The following MAP3K5 variants were observed in gnomAD, a reference collection of about 807,000 sequenced individuals.
MAP3K5 encodes mitogen-activated protein kinase kinase kinase 5.
In MAP3K5, 56 loss-of-function variants were observed where a neutral mutation model predicts 158.7. The ratio of observed to expected loss-of-function variants is 0.35; its 90% CI spans 0.28 to 0.44. MAP3K5 has a LOEUF of 0.44. Ranked by LOEUF, MAP3K5 falls within the 20% of genes least tolerant of loss-of-function variation. MAP3K5 has a pLI of 1.00. For missense variants in MAP3K5, 1,294 were observed against 1,674.8 expected (o/e 0.77, Z 3.97); for synonymous variants, 579 against 601.7 (o/e 0.96, Z 0.55).
intron 1 of MAP3K5, among the ~76,000 whole-genome samples, chr6:136,724,244 C>T (rs1361201900): frequency 6.7e-6 from 1 of 148,816 alleles, no homozygotes; most frequent in Non-Finnish European, 1.5e-5. Flanking sequence ...AAGAGAGAAA[C>T]TGACTTTTTT....
chr6:136,685,444 G>T (rs925048275), intron 7 of MAP3K5, among the ~76,000 whole-genome samples: 2 of 152,126 alleles, frequency 1.3e-5, no homozygotes, highest in African/African-American at 4.8e-5. Flanking sequence ...CTAAAACGCT[G>T]CCATTTAGTA....
rs146722273 is a variant in MAP3K5 at position 136,591,256 on chromosome 6, T to C, written c.3225+917A>G. Among the ~76,000 whole-genome samples, 26 of 152,330 alleles carry C rather than the reference T, an allele frequency of 1.7e-4. 1 individual carries two copies. In the East Asian group the frequency reaches 4.8e-3, roughly 28 times the overall value. On this transcript the variant is annotated intron_variant, in intron 23 of 29. Transcript: ENST00000359015. ...TAGCATGAGAACAGACTAATACATA[T>C]AGTTTCCTCCGCATCCCAAGGATGT... is the stretch of plus-strand genomic sequence containing the variant.
At chr6:136,761,360 G>A (rs959506841) in intron 1 of MAP3K5, among the ~76,000 whole-genome samples, 5 of 151,606 alleles carry the variant, frequency 3.3e-5, no homozygotes, top group Non-Finnish European at 5.9e-5. Context: ...CATGCAGCAG[G>A]CACTGTGGGA....
chr6:136,732,041 T>C (rs960181231), intron 1 of MAP3K5, among the ~76,000 whole-genome samples: 19 of 152,160 alleles, frequency 1.2e-4, no homozygotes, highest in African/African-American at 4.3e-4. Context: ...ATGGAGGCGA[T>C]CTCTGTATTT....
At chr6:136,714,142 A>C (rs73558285) in intron 2 of MAP3K5, among the ~76,000 whole-genome samples, 154 of 152,350 alleles carry the variant, frequency 1.0e-3, no homozygotes, top group African/African-American at 3.7e-3. Flanking sequence ...AACAAAAGGA[A>C]GTACTGTTTT....
Position 136,792,426 on chromosome 6 carries a change from T to A in MAP3K5, c.-269A>T, listed in dbSNP as rs1785123943. On this transcript the variant is annotated 5_prime_UTR_variant, in exon 1 of 30. Coordinates refer to ENST00000359015, the MANE Select transcript of MAP3K5 (RefSeq NM_005923.4). This position sits in a 1 kb window ranked among gnomAD's most constrained non-coding sequence, Gnocchi z 5.7. ...GAGTACAAGGGGTGGGGAAGCCGGG[T>A]GAGCGGGAAGGGACGGAGCTTCCTT... 1 of 974,844 alleles carries A rather than the reference T, an allele frequency of 1.0e-6. No homozygotes were observed. Among genetic ancestry groups the A allele is most frequent in the African/African-American group, 1.8e-5 (1 of 56,712 alleles). The allele number at this position is 974,844 out of a possible 1,614,324, so 60.4% of individuals were successfully genotyped here.
intron 19 of MAP3K5, among the ~76,000 whole-genome samples, chr6:136,604,484 T>C (rs1214141781): frequency 6.6e-6 from 1 of 152,198 alleles, no homozygotes; most frequent in Non-Finnish European, 1.5e-5. Flanking sequence ...TGAGTTTTAC[T>C]ACTTGGGAAG....
chr6:136,572,748 C>A (rs1290234592), intron 25 of MAP3K5, among the ~76,000 whole-genome samples: 1 of 152,142 alleles, frequency 6.6e-6, no homozygotes, highest in Admixed American at 6.5e-5. Context: ...TCATGCAGTG[C>A]TTTGTTATTT....
chr6:136,788,875 T>C (rs1029833292), intron 1 of MAP3K5, among the ~76,000 whole-genome samples: 8 of 152,186 alleles, frequency 5.3e-5, no homozygotes, highest in African/African-American at 1.9e-4. Context: ...TGAACTACCG[T>C]TCGACCCAGC....
chr6:136,603,677 C>CA (rs1443425467), intron 19 of MAP3K5, among the ~76,000 whole-genome samples: 1 of 151,778 alleles, frequency 6.6e-6, no homozygotes, highest in East Asian at 1.9e-4. Flanking sequence ...CCTAATGTGA[C>CA]AAAAAAACAC....
Position 136,581,826 on chromosome 6 carries a change from T to C in MAP3K5, c.3412-1420A>G, listed in dbSNP as rs903186801. 3.9e-5 allele frequency among the ~76,000 whole-genome samples: 6 copies of C among 152,364 alleles called. No homozygotes were observed. The East Asian group carries it at 5.8e-4, about 15-fold the overall frequency. ...GCTGGACATGGTGGCTCACGCCCTGTAATCCCAGCACTTTGGGAGTCCGAT... is the reference window on the plus strand; with the variant it reads ...GCTGGACATGGTGGCTCACGCCCTGCAATCCCAGCACTTTGGGAGTCCGAT... On this transcript the variant is annotated intron_variant, in intron 24 of 29. Coordinates refer to ENST00000359015, the MANE Select transcript of MAP3K5 (RefSeq NM_005923.4).
chr6:136,792,594 G>C (rs1160755943), upstream of MAP3K5: 1 of 163,136 alleles, frequency 6.1e-6, no homozygotes, highest in African/African-American at 2.4e-5. The surrounding 1 kb of genome is among the most constrained non-coding windows in gnomAD (Gnocchi z 5.7). Flanking sequence ...CGGCCGCTCT[G>C]GGAGGGGCCA....
intron 25 of MAP3K5, among the ~76,000 whole-genome samples, chr6:136,577,840 A>G (rs1774687838): frequency 6.6e-6 from 1 of 152,234 alleles, no homozygotes; most frequent in African/African-American, 2.4e-5. Flanking sequence ...ATAAACTATT[A>G]ACTAAACTGC....
chr6:136,751,115 G>A (rs1783187769), intron 1 of MAP3K5, among the ~76,000 whole-genome samples: 1 of 148,156 alleles, frequency 6.7e-6, no homozygotes, highest in Non-Finnish European at 1.5e-5. Flanking sequence ...GCACAAATCT[G>A]CTGATAATCT....
intron 7 of MAP3K5, among the ~76,000 whole-genome samples, chr6:136,677,624 C>G (rs986953886): frequency 1.3e-5 from 2 of 152,166 alleles, no homozygotes; most frequent in Non-Finnish European, 2.9e-5. Context: ...GAAGGAGCAG[C>G]CTTCTCATGG....
intron 19 of MAP3K5, among the ~76,000 whole-genome samples, chr6:136,604,497 T>C (rs1438895706): frequency 2.0e-5 from 3 of 152,282 alleles, no homozygotes; most frequent in African/African-American, 7.2e-5. Context: ...TTGGGAAGCA[T>C]GTTTCCATTT....
At chr6:136,607,721 C>T (rs908779179) in intron 18 of MAP3K5, among the ~76,000 whole-genome samples, 4 of 151,980 alleles carry the variant, frequency 2.6e-5, no homozygotes, top group African/African-American at 9.7e-5. Flanking sequence ...TGTCACATTT[C>T]ATTCATTCAC....
At chr6:136,728,680 T>C (rs1417432598) in intron 1 of MAP3K5, among the ~76,000 whole-genome samples, 1 of 152,226 alleles carries the variant, frequency 6.6e-6, no homozygotes, top group Non-Finnish European at 1.5e-5. Context: ...AATGTATGCA[T>C]GGTGATTCAA....
intron 8 of MAP3K5, among the ~76,000 whole-genome samples, chr6:136,660,423 A>AG (rs1778956443): frequency 6.6e-6 from 1 of 152,050 alleles, no homozygotes; most frequent in Non-Finnish European, 1.5e-5. Flanking sequence ...AAGAAAAAAC[A>AG]GAAAAAAAAA....
Sources: allele counts gnomAD v4.1 joint callset (sites outside exome capture counted in the v4.1 genomes callset), GRCh38; gene constraint gnomAD v4.1.1; non-coding constraint Gnocchi (gnomAD v3.1); transcripts MANE v1.5; gene names NCBI Gene and HGNC (gene_info 2026-07-23, HGNC 2026-07-21).